The following CSMD1 variants were observed in gnomAD, a reference collection of about 807,000 sequenced individuals.
The protein encoded by CSMD1 is CUB and Sushi multiple domains 1.
In CSMD1, 213 loss-of-function variants were observed where a neutral mutation model predicts 417.5. The observed-to-expected ratio is 0.51, with a 90% CI of 0.46 to 0.57. The LOEUF (loss-of-function observed/expected upper bound fraction) is 0.57, where lower values mean the gene tolerates loss of function less well. Ranked by LOEUF, CSMD1 falls within the 20% of genes least tolerant of loss-of-function variation. The probability of loss-of-function intolerance (pLI) is 0.00; values close to 1 mark genes in which losing one functional copy is unlikely to be tolerated. For missense variants in CSMD1, 6,923 were observed against 4,529.7 expected (o/e 1.53, Z -15.17); for synonymous variants, 2,862 against 1,736.8 (o/e 1.65, Z -16.11).
intron 10 of CSMD1, among the ~76,000 whole-genome samples, chr8:3,506,646 C>A (rs1339703292): frequency 6.6e-6 from 1 of 152,158 alleles, no homozygotes; most frequent in Admixed American, 6.5e-5. Flanking sequence ...AAACTTACAT[C>A]TGCATATTCA....
chr8:4,156,200 C>A (rs755217090), intron 3 of CSMD1, among the ~76,000 whole-genome samples: 1 of 152,278 alleles, frequency 6.6e-6, no homozygotes, highest in Non-Finnish European at 1.5e-5. Context: ...CATATCTGGA[C>A]TGGGATCACT....
chr8:3,427,521 G>A (rs1040658165), intron 12 of CSMD1, among the ~76,000 whole-genome samples: 17 of 152,012 alleles, frequency 1.1e-4, no homozygotes, highest in African/African-American at 4.1e-4. Context: ...TAAGGATGAA[G>A]TAAAAAGAAC....
chr8:3,056,872 T>A (rs1226711218), intron 49 of CSMD1, among the ~76,000 whole-genome samples: 1 of 152,038 alleles, frequency 6.6e-6, no homozygotes, highest in African/African-American at 2.4e-5. Flanking sequence ...TGTACACATA[T>A]AAATGCTAAT....
chr8:4,651,064 G>C (rs1183241394), intron 1 of CSMD1, among the ~76,000 whole-genome samples: 1 of 152,130 alleles, frequency 6.6e-6, no homozygotes, highest in Non-Finnish European at 1.5e-5. Context: ...AAAACTTTTA[G>C]ATCTAGTGCA....
chr8:4,565,980 T>G (rs906782557), intron 2 of CSMD1, among the ~76,000 whole-genome samples: 2 of 151,904 alleles, frequency 1.3e-5, no homozygotes, highest in African/African-American at 4.8e-5. Flanking sequence ...AATCTATATT[T>G]GGGTCTATTG....
intron 41 of CSMD1, among the ~76,000 whole-genome samples, chr8:3,132,646 C>G (rs1817854378): frequency 6.6e-6 from 1 of 152,138 alleles, no homozygotes; most frequent in African/African-American, 2.4e-5. Flanking sequence ...TGAGAAACTG[C>G]AGATACAAAA....
chr8:4,448,338 G>C (rs77129058), intron 2 of CSMD1, among the ~76,000 whole-genome samples: 3 of 152,246 alleles, frequency 2.0e-5, no homozygotes, highest in African/African-American at 7.2e-5. Context: ...AATTTAAAAA[G>C]CCTTCTGCAC....
At chr8:4,379,893 G>A (rs949519474) in intron 3 of CSMD1, among the ~76,000 whole-genome samples, 2 of 152,202 alleles carry the variant, frequency 1.3e-5, no homozygotes, top group African/African-American at 2.4e-5. Flanking sequence ...TGGAAGCCGT[G>A]TTCCACACAC....
chr8:3,259,914 C>G (rs554493561), intron 26 of CSMD1, among the ~76,000 whole-genome samples: 2 of 152,128 alleles, frequency 1.3e-5, no homozygotes, highest in Non-Finnish European at 2.9e-5. Context: ...TCTGACCACT[C>G]ATACATGCGT....
intron 3 of CSMD1, among the ~76,000 whole-genome samples, chr8:4,202,392 A>T (rs145619030): frequency 6.6e-6 from 1 of 152,164 alleles, no homozygotes; most frequent in Non-Finnish European, 1.5e-5. Flanking sequence ...CTAACAGTTC[A>T]TTCTTAAGCT....
chr8:3,927,890 G>A (rs539800718), intron 5 of CSMD1, among the ~76,000 whole-genome samples: 129 of 152,122 alleles, frequency 8.5e-4, no homozygotes, highest in African/African-American at 3.0e-3. Context: ...TATGAGAGTC[G>A]AAGGTTACCT....
Position 3,331,529 on chromosome 8 carries a change from T to A in CSMD1, c.3631+11765A>T, listed in dbSNP as rs28641765. Among the ~76,000 whole-genome samples the A allele has an allele frequency of 5.7e-3, 864 of 152,310 alleles. 6 individuals are homozygous for A. The highest frequency in any genetic ancestry group is 0.02 in the African/African-American group (826 of 41,570). ...CACTCACTAATGATAGGACCTTAAC[T>A]TATGGAACCCTCGGTTTCCTGTCTT... is the stretch of plus-strand genomic sequence containing the variant. On this transcript the variant is annotated intron_variant, in intron 23 of 69. Transcript: ENST00000635120.
rs1195010959 is a variant in CSMD1, at chr8:3,387,637, A to C, written c.2639T>G (p.Val880Gly). The C allele has an allele frequency of 1.2e-6, 2 of 1,601,216 alleles. No individual in the cohort carries two copies. The highest frequency in any genetic ancestry group is 3.4e-5 in the Admixed American group (2 of 58,314). The change falls in exon 18 of 70, where the codon GTG (valine) becomes GGG (glycine). Residue 880 changes from valine (V) to glycine (G), a missense_variant. Transcript: ENST00000635120. The stretch of plus-strand genomic sequence containing the variant: ...GTCTCCACCGTGGCGATGGCCGTTC[A>C]CAGGGATGCCCGGGTCCAGGCAGGA... ...SDSCLDPGIPVNGHRHGGDFG... is the reference protein window; with the variant it reads ...SDSCLDPGIPGNGHRHGGDFG...
At chr8:3,979,070 T>A (rs893064883) in intron 5 of CSMD1, among the ~76,000 whole-genome samples, 1 of 152,218 alleles carries the variant, frequency 6.6e-6, no homozygotes, top group East Asian at 1.9e-4. Context: ...CCTTCAGATG[T>A]GCACAGCGAC....
chr8:3,506,042 G>A (rs1051169168), intron 10 of CSMD1, among the ~76,000 whole-genome samples: 2 of 152,194 alleles, frequency 1.3e-5, no homozygotes, highest in African/African-American at 4.8e-5. Context: ...AACAAATGTA[G>A]AAAGGGCAAC....
chr8:4,277,332 G>A (rs1796544057), intron 3 of CSMD1, among the ~76,000 whole-genome samples: 1 of 151,988 alleles, frequency 6.6e-6, no homozygotes, highest in East Asian at 1.9e-4. Context: ...GACTTCCCTT[G>A]GATTTCTGAC....
intron 5 of CSMD1, among the ~76,000 whole-genome samples, chr8:3,827,929 A>T (rs934557948): frequency 9.9e-5 from 15 of 152,252 alleles, no homozygotes; most frequent in African/African-American, 3.4e-4. Flanking sequence ...ACTATTTAAA[A>T]GAGAAAATAA....
At chr8:4,523,153 A>C (rs956840649) in intron 2 of CSMD1, among the ~76,000 whole-genome samples, 1 of 152,188 alleles carries the variant, frequency 6.6e-6, no homozygotes, top group Non-Finnish European at 1.5e-5. Flanking sequence ...ATTTTTGCTA[A>C]TGGTAATGAT....
intron 2 of CSMD1, among the ~76,000 whole-genome samples, chr8:4,538,488 G>A (rs1028543298): frequency 6.6e-6 from 1 of 151,806 alleles, no homozygotes; most frequent in African/African-American, 2.4e-5. Context: ...ACTAAAAATA[G>A]AAAAATTAGC....
Sources: gnomAD v4.1 joint callset for allele counts (sites outside exome capture counted in the v4.1 genomes callset) on GRCh38, gnomAD v4.1.1 for gene constraint, MANE v1.5 for transcripts, NCBI Gene and HGNC (gene_info 2026-07-23, HGNC 2026-07-21) for gene names.